The following RSPH14 variants were observed in gnomAD, a reference collection of about 807,000 sequenced individuals.
The protein encoded by RSPH14 is radial spoke head 14 homolog.
In RSPH14, 20 loss-of-function variants were observed where a neutral mutation model predicts 26.7. That is an observed-to-expected ratio of 0.75 (90% CI 0.53 to 1.09). The LOEUF (loss-of-function observed/expected upper bound fraction) is 1.09. Ranked by LOEUF, RSPH14 falls within the 50% of genes least tolerant of loss-of-function variation. The probability of loss-of-function intolerance (pLI) is 0.00; values close to 1 mark genes in which losing one functional copy is unlikely to be tolerated. For synonymous variants in RSPH14, 177 were observed against 189.3 expected, an observed-to-expected ratio of 0.93 and a Z score of 0.53; for missense variants, 449 against 457.2, an observed-to-expected ratio of 0.98 and a Z score of 0.16.
At chr22:23,136,216 G>T in intron 3 of RSPH14, 1 of 709,540 alleles carries the variant, frequency 1.4e-6, no homozygotes, top group South Asian at 1.5e-5. Context: ...GGAACAGGCT[G>T]CCAGGAAGCT....
At chr22:23,133,629 G>GC (rs2070406024) in intron 4 of RSPH14, among the ~76,000 whole-genome samples, 2 of 151,546 alleles carry the variant, frequency 1.3e-5, no homozygotes, top group Non-Finnish European at 2.9e-5. Flanking sequence ...TCGCACTGTC[G>GC]CCCGGGCTAG....
At chr22:23,169,967 T>A in the RSPH14 span, among the ~76,000 whole-genome samples, 1 of 151,830 alleles carries the variant, frequency 6.6e-6, no homozygotes, top group African/African-American at 2.4e-5. Flanking sequence ...CATGGTGGTG[T>A]GTGCCTGTAG....
chr22:23,089,845 AT>A (rs1483948207), intron 4 of RSPH14, among the ~76,000 whole-genome samples: 1 of 152,102 alleles, frequency 6.6e-6, no homozygotes, highest in Non-Finnish European at 1.5e-5. Context: ...AAGGACCAGG[AT>A]GGAGCTCCTT....
rs375368383 is a variant in RSPH14, at chr22:23,108,763, C to T, written c.421+25263G>A. 1.2e-4 allele frequency among the ~76,000 whole-genome samples: 19 copies of T among 152,374 alleles called. No homozygotes were observed. The East Asian group carries it at 3.1e-3, about 25-fold the overall frequency. ...TTTCTTCCCAGGCAGGAGTCAGCTC[C>T]ACCTGCTCTCTGGCTGGCACAGCCT... On this transcript the variant is annotated intron_variant, in intron 4 of 6. Transcript: ENST00000216036.
the RSPH14 span, chr22:23,158,183 C>T: frequency 2.1e-5 from 32 of 1,498,974 alleles, no homozygotes; most frequent in East Asian, 1.6e-4. Context: ...CAGCTGCCCA[C>T]GGACTACTTA....
At chr22:23,137,341 C>T (rs866142375) in intron 3 of RSPH14, among the ~76,000 whole-genome samples, 1 of 141,080 alleles carries the variant, frequency 7.1e-6, no homozygotes, top group Non-Finnish European at 1.6e-5. Flanking sequence ...GGGCAGGGAA[C>T]AGGCTGCCAG....
In RSPH14 at chr22:23,140,271, C is replaced by G. The variant is rs761251070; in HGVS notation, c.150G>C (p.Leu50Phe). The G allele has an allele frequency of 6.2e-6, 10 of 1,614,064 alleles. No homozygotes were observed. In the South Asian group the frequency reaches 1.1e-4, roughly 18 times the overall value. ...ACTCGGGGTCATGCATGAGGTCACACAAGGCCATGAGGGCTTTCTGCCTCG... is the reference window on the plus strand; with the variant it reads ...ACTCGGGGTCATGCATGAGGTCACAGAAGGCCATGAGGGCTTTCTGCCTCG... ...LQTRQKALMALCDLMHDPECI... is the reference protein window; with the variant it reads ...LQTRQKALMAFCDLMHDPECI... Residue 50 changes from leucine (L) to phenylalanine (F), a missense_variant, in exon 2 of 7, where the codon TTG (leucine) becomes TTC (phenylalanine). Coordinates refer to ENST00000216036, the MANE Select transcript of RSPH14 (RefSeq NM_014433.3).
At chr22:23,160,778 C>T in the RSPH14 span, 22 of 1,505,694 alleles carry the variant, frequency 1.5e-5, no homozygotes, top group Middle Eastern at 2.3e-4. Flanking sequence ...GAAAGGGCTA[C>T]GTGCCAACCT....
chr22:23,108,658 A>G (rs990984479), intron 4 of RSPH14, among the ~76,000 whole-genome samples: 4 of 152,268 alleles, frequency 2.6e-5, no homozygotes, highest in Non-Finnish European at 5.9e-5. Flanking sequence ...ACTCAGAGCC[A>G]TAGCCCAAAA....
At chr22:23,112,513 G>A (rs979351695) in intron 4 of RSPH14, among the ~76,000 whole-genome samples, 5 of 152,162 alleles carry the variant, frequency 3.3e-5, no homozygotes, top group Admixed American at 2.0e-4. Flanking sequence ...GACACAGCAG[G>A]TCTGTGGCCA....
intron 4 of RSPH14, among the ~76,000 whole-genome samples, chr22:23,114,522 C>T (rs1282796664): frequency 4.6e-5 from 7 of 152,150 alleles, no homozygotes; most frequent in East Asian, 1.9e-4. Context: ...TATTACCCCT[C>T]GCCCCCTGCA....
At chr22:23,110,081 T>C (rs1198398606) in intron 4 of RSPH14, among the ~76,000 whole-genome samples, 3 of 152,142 alleles carry the variant, frequency 2.0e-5, no homozygotes, top group African/African-American at 7.2e-5. Flanking sequence ...TCCAGCTCTG[T>C]CCCCAGACAC....
At chr22:23,180,046 G>T in the RSPH14 span, 1 of 364,612 alleles carries the variant, frequency 2.7e-6, no homozygotes. Flanking sequence ...CTGCGGCGTG[G>T]TAGGGGCAGA....
intron 4 of RSPH14, among the ~76,000 whole-genome samples, chr22:23,064,661 G>A (rs1217363582): frequency 6.6e-6 from 1 of 152,190 alleles, no homozygotes; most frequent in African/African-American, 2.4e-5. Context: ...CTAGAGTGTA[G>A]GCCAGTGTCA....
At chr22:23,142,065 TA>T, upstream of RSPH14, 1 of 983,700 alleles carries the variant, frequency 1.0e-6, no homozygotes, top group Non-Finnish European at 1.2e-6. Context: ...GCGGTCGACA[TA>T]ATCAGCACCC....
chr22:23,073,303 G>A (rs564844556), intron 4 of RSPH14, among the ~76,000 whole-genome samples: 167 of 152,338 alleles, frequency 1.1e-3, no homozygotes, highest in African/African-American at 3.8e-3. Context: ...AGCACAAAGC[G>A]AAATGAACAG....
intron 4 of RSPH14, chr22:23,124,450 T>A: frequency 2.1e-6 from 1 of 467,880 alleles, no homozygotes; most frequent in Non-Finnish European, 4.4e-6. Context: ...GCGGGACACG[T>A]GTTGTACATA....
intron 4 of RSPH14, among the ~76,000 whole-genome samples, chr22:23,080,474 C>A (rs534944837): frequency 6.6e-6 from 1 of 152,242 alleles, no homozygotes; most frequent in Non-Finnish European, 1.5e-5. Context: ...TGTTCACTAA[C>A]CGTAGTCCTT....
intron 4 of RSPH14, among the ~76,000 whole-genome samples, chr22:23,064,373 A>T (rs1421167490): frequency 6.6e-6 from 1 of 152,172 alleles, no homozygotes; most frequent in African/African-American, 2.4e-5. Flanking sequence ...CCCAGGAAGG[A>T]CCAGTCTTTT....
Sources: gnomAD v4.1 joint callset for allele counts (sites outside exome capture counted in the v4.1 genomes callset) on GRCh38, gnomAD v4.1.1 for gene constraint, MANE v1.5 for transcripts, NCBI Gene and HGNC (gene_info 2026-07-23, HGNC 2026-07-21) for gene names.